METTL24: variants seen among roughly 807,000 people sequenced by gnomAD.
METTL24 encodes methyltransferase like 24, also known as probable methyltransferase-like protein 24.
In METTL24, 29 loss-of-function variants were observed where a neutral mutation model predicts 32.7. The observed-to-expected ratio is 0.89, with a 90% CI of 0.66 to 1.21. METTL24 has a LOEUF of 1.21. METTL24 is among the 50% of genes most tolerant of loss of function. The probability of loss-of-function intolerance (pLI) is 0.00; values close to 1 mark genes in which losing one functional copy is unlikely to be tolerated. For synonymous variants in METTL24, 163 were observed against 179.5 expected (o/e 0.91, Z 0.73); for missense variants, 439 against 468.1 (o/e 0.94, Z 0.57).
chr6:110,322,854 C>T lies in METTL24; in HGVS notation c.337G>A (p.Asp113Asn). 1 of 1,613,770 alleles carries T rather than the reference C, an allele frequency of 6.2e-7. No homozygotes were observed. Among genetic ancestry groups the T allele is most frequent in the Non-Finnish European group, 8.5e-7 (1 of 1,179,862 alleles). Residue 113 changes from aspartate to asparagine, a missense_variant, in exon 2 of 5, where the codon GAT becomes AAT. Physicochemically the swap from Asp to Asn is conservative, Grantham distance 23 (BLOSUM62 1). Transcript: ENST00000338882. ...PRRKGPRWHI[D>N]LQPWAGSAQS... is the part of the protein sequence containing the mutation. ...GCAGAGCCTGCCCAAGGCTGGAGAT[C>T]TATATGCCACCGGGGACCCTGCAAG... is the stretch of plus-strand genomic sequence containing the variant.
At chr6:110,338,797 G>C (rs367607583) in intron 1 of METTL24, among the ~76,000 whole-genome samples, 2 of 152,298 alleles carry the variant, frequency 1.3e-5, no homozygotes, top group African/African-American at 4.8e-5. Flanking sequence ...TAACAGCACT[G>C]AGCTAATTAG....
chr6:110,282,898 T>C (rs1318791167), intron 4 of METTL24, among the ~76,000 whole-genome samples: 1 of 152,214 alleles, frequency 6.6e-6, no homozygotes, highest in Non-Finnish European at 1.5e-5. Context: ...TAATTATGTC[T>C]TTCATTAGTT....
At chr6:110,338,060 T>TG (rs1772275554) in intron 1 of METTL24, among the ~76,000 whole-genome samples, 1 of 152,170 alleles carries the variant, frequency 6.6e-6, no homozygotes, top group Admixed American at 6.5e-5. Flanking sequence ...GGAAAGAACA[T>TG]GATATAATCC....
chr6:110,343,898 A>C (rs1248061601), intron 1 of METTL24, among the ~76,000 whole-genome samples: 2 of 152,232 alleles, frequency 1.3e-5, no homozygotes, highest in Non-Finnish European at 2.9e-5. Context: ...CCAGAGGTGA[A>C]ACACTGAGGT....
intron 3 of METTL24, among the ~76,000 whole-genome samples, chr6:110,303,227 T>C (rs1489291622): frequency 1.3e-5 from 2 of 151,982 alleles, no homozygotes; most frequent in East Asian, 1.9e-4. Context: ...AAGCACAAAA[T>C]TGGGCAGCCA....
At chr6:110,248,760 A>T (rs2114689169) in intron 4 of METTL24, among the ~76,000 whole-genome samples, 1 of 152,088 alleles carries the variant, frequency 6.6e-6, no homozygotes, top group African/African-American at 2.4e-5. Context: ...TCTCTACAAA[A>T]AAAAATAAAA....
At chr6:110,288,730 C>T (rs9487347) in intron 4 of METTL24, among the ~76,000 whole-genome samples, 7,822 of 152,052 alleles carry the variant, frequency 0.051, 554 homozygotes, top group African/African-American at 0.16. Flanking sequence ...GAACACAGGG[C>T]GGTGAGCAGG....
At chr6:110,344,672 G>A (rs979900178) in intron 1 of METTL24, among the ~76,000 whole-genome samples, 3 of 152,108 alleles carry the variant, frequency 2.0e-5, no homozygotes, top group African/African-American at 7.2e-5. Context: ...TGTTTCCCAA[G>A]CAATGGGGAA....
chr6:110,318,439 G>A (rs1771866000), intron 2 of METTL24, among the ~76,000 whole-genome samples: 1 of 152,026 alleles, frequency 6.6e-6, no homozygotes, highest in African/African-American at 2.4e-5. Flanking sequence ...CACAAGATCA[G>A]GAGTTTGAGA....
intron 4 of METTL24, among the ~76,000 whole-genome samples, chr6:110,270,167 C>T (rs1431760246): frequency 1.3e-5 from 2 of 151,582 alleles, no homozygotes; most frequent in Non-Finnish European, 1.5e-5. Context: ...TAGAGATAAT[C>T]ATTAAAGTTT....
At chr6:110,274,899 AC>A (rs1771021396) in intron 4 of METTL24, among the ~76,000 whole-genome samples, 1 of 149,712 alleles carries the variant, frequency 6.7e-6, no homozygotes, top group Admixed American at 6.7e-5. Context: ...CTCAGGCTCA[AC>A]CATTCCTCCC....
At chr6:110,271,412 C>G (rs1770957029) in intron 4 of METTL24, among the ~76,000 whole-genome samples, 2 of 152,182 alleles carry the variant, frequency 1.3e-5, no homozygotes, top group Admixed American at 1.3e-4. Context: ...CCTCCCATCT[C>G]AGCCTTCTGA....
At chr6:110,329,630 C>T (rs1012556377) in intron 1 of METTL24, among the ~76,000 whole-genome samples, 7 of 152,150 alleles carry the variant, frequency 4.6e-5, no homozygotes, top group African/African-American at 1.7e-4. Flanking sequence ...GTGTGCCCAG[C>T]GCTTCTGAAG....
intron 4 of METTL24, among the ~76,000 whole-genome samples, chr6:110,257,759 T>TCAGCCC (rs1008227332): frequency 7.9e-5 from 12 of 152,232 alleles, no homozygotes; most frequent in Non-Finnish European, 7.3e-5. Flanking sequence ...GCACTCAGCC[T>TCAGCCC]CAGCCCATGA....
rs138553435 is a variant in METTL24, at chr6:110,316,644, C to G, written c.418-1163G>C. 9.0e-3 allele frequency among the ~76,000 whole-genome samples: 1,369 copies of G among 152,336 alleles called. 10 individuals carry two copies. The highest frequency in any genetic ancestry group is 0.031 in the African/African-American group (1,308 of 41,570). On this transcript the variant is annotated intron_variant, in intron 2 of 4. Coordinates refer to ENST00000338882, the MANE Select transcript of METTL24 (RefSeq NM_001123364.3). ...GGCATGGTGGCTTATGCCTATAATCCCAACACTTTGGGAGGCCGAGGCAGG... is the reference window on the plus strand; with the variant it reads ...GGCATGGTGGCTTATGCCTATAATCGCAACACTTTGGGAGGCCGAGGCAGG...
intron 1 of METTL24, among the ~76,000 whole-genome samples, chr6:110,332,985 A>ATC (rs147496945): frequency 1.3e-5 from 2 of 150,712 alleles, no homozygotes; most frequent in Admixed American, 6.6e-5. Context: ...TGTAAGGATT[A>ATC]TCTCTCTCTC....
chr6:110,321,285 A>G (rs1771926361), intron 2 of METTL24, among the ~76,000 whole-genome samples: 1 of 152,172 alleles, frequency 6.6e-6, no homozygotes, highest in African/African-American at 2.4e-5. Flanking sequence ...CTCAGCCCAT[A>G]GTTTCTGGGA....
intron 3 of METTL24, among the ~76,000 whole-genome samples, chr6:110,313,592 G>A (rs373978133): frequency 6.6e-6 from 1 of 152,084 alleles, no homozygotes. Context: ...AGGCAATTTG[G>A]AGCAAGAAAA....
intron 4 of METTL24, among the ~76,000 whole-genome samples, chr6:110,253,716 A>G (rs79653611): frequency 0.015 from 2,360 of 152,356 alleles, 26 homozygotes; most frequent in Non-Finnish European, 0.023. Context: ...ACACGTACAC[A>G]TGCACACACA....
Sources: gnomAD v4.1 joint callset for allele counts (sites outside exome capture counted in the v4.1 genomes callset) on GRCh38, gnomAD v4.1.1 for gene constraint, MANE v1.5 for transcripts, NCBI Gene and HGNC (gene_info 2026-07-23, HGNC 2026-07-21) for gene names.